SPAG9: variants seen among roughly 807,000 people sequenced by gnomAD.
SPAG9 encodes the protein sperm associated antigen 9, also known as C-Jun-amino-terminal kinase-interacting protein 4.
In SPAG9, 35 loss-of-function variants were observed where a neutral mutation model predicts 166.5. That is an observed-to-expected ratio of 0.21 (90% CI 0.16 to 0.28). The LOEUF (loss-of-function observed/expected upper bound fraction) is 0.28, where lower values mean the gene tolerates loss of function less well. Among genes scored for constraint, SPAG9 ranks in the 10% least tolerant of loss-of-function variants. SPAG9 has a pLI of 1.00. For missense variants in SPAG9, 1,235 were observed against 1,603.3 expected (o/e 0.77, Z 3.92); for synonymous variants, 534 against 565.5 (o/e 0.94, Z 0.79).
intron 1 of SPAG9, among the ~76,000 whole-genome samples, chr17:51,107,766 A>G (rs2048995619): frequency 6.6e-6 from 1 of 151,238 alleles, no homozygotes; most frequent in Non-Finnish European, 1.5e-5. Context: ...AAAGGCAATA[A>G]TAGATGTTGC....
At chr17:51,045,010 T>C (rs759009956) in intron 4 of SPAG9, among the ~76,000 whole-genome samples, 3 of 152,220 alleles carry the variant, frequency 2.0e-5, no homozygotes, top group Non-Finnish European at 4.4e-5. Context: ...TAATTTACCA[T>C]ATATCTTACA....
At chr17:51,075,322 G>A (rs894014626) in intron 2 of SPAG9, among the ~76,000 whole-genome samples, 11 of 151,060 alleles carry the variant, frequency 7.3e-5, no homozygotes, top group Non-Finnish European at 1.5e-4. Context: ...GCTAATGTAT[G>A]TGAAATAATT....
intron 26 of SPAG9, among the ~76,000 whole-genome samples, chr17:50,979,109 T>C (rs796377622): frequency 3.0e-4 from 45 of 152,006 alleles, no homozygotes; most frequent in African/African-American, 9.9e-4. Context: ...CATTGGCTCA[T>C]GCCTGTAACA....
chr17:51,044,154 A>C (rs1246179360), intron 4 of SPAG9, among the ~76,000 whole-genome samples: 2 of 152,184 alleles, frequency 1.3e-5, no homozygotes, highest in Non-Finnish European at 2.9e-5. Context: ...TTTACTTACA[A>C]ATTACATACA....
At chr17:51,105,714 A>G (rs2144755170) in intron 1 of SPAG9, among the ~76,000 whole-genome samples, 1 of 151,902 alleles carries the variant, frequency 6.6e-6, no homozygotes, top group African/African-American at 2.4e-5. Context: ...CTAAAAATAC[A>G]AAAAAATTAG....
At chr17:51,076,965 G>C (rs1208812456) in intron 2 of SPAG9, among the ~76,000 whole-genome samples, 2 of 149,076 alleles carry the variant, frequency 1.3e-5, no homozygotes, top group Non-Finnish European at 3.0e-5. Flanking sequence ...ATGAGATCTT[G>C]TCTCTATCTA....
intron 28 of SPAG9, among the ~76,000 whole-genome samples, chr17:50,974,516 C>T (rs1482139664): frequency 1.3e-5 from 2 of 152,142 alleles, no homozygotes; most frequent in African/African-American, 4.8e-5. Flanking sequence ...AATACTACTG[C>T]TTTTCAAAAG....
chr17:51,039,477 A>G (rs2046746485), intron 5 of SPAG9, among the ~76,000 whole-genome samples: 1 of 152,006 alleles, frequency 6.6e-6, no homozygotes, highest in East Asian at 1.9e-4. Context: ...TGTAAGCACC[A>G]CCCCATTCCT....
chr17:51,023,970 T>C (rs2046051000), intron 6 of SPAG9, among the ~76,000 whole-genome samples: 1 of 152,172 alleles, frequency 6.6e-6, no homozygotes, highest in Non-Finnish European at 1.5e-5. Flanking sequence ...CCAGCCGATT[T>C]TTCTAAATAG....
At chr17:51,005,182 A>G (rs1264210118) in intron 12 of SPAG9, 30 bp downstream of exon 12, 1 of 1,602,742 alleles carries the variant, frequency 6.2e-7, no homozygotes, top group Admixed American at 1.7e-5. Flanking sequence ...ATGGTAAGGT[A>G]AGAAAAAAAG....
chr17:51,090,758 T>C (rs2048443398), intron 1 of SPAG9, among the ~76,000 whole-genome samples: 1 of 152,230 alleles, frequency 6.6e-6, no homozygotes, highest in South Asian at 2.1e-4. Context: ...TGGCTGATAT[T>C]TCTGTTACTG....
At chr17:51,051,237 T>C (rs954350660) in intron 3 of SPAG9, among the ~76,000 whole-genome samples, 1 of 152,118 alleles carries the variant, frequency 6.6e-6, no homozygotes, top group African/African-American at 2.4e-5. Flanking sequence ...GCCTCCCAGG[T>C]AGCTGGGATT....
chr17:51,109,567 A>G (rs894503951), intron 1 of SPAG9, among the ~76,000 whole-genome samples: 2 of 152,064 alleles, frequency 1.3e-5, no homozygotes, highest in Non-Finnish European at 1.5e-5. Flanking sequence ...AAAGTAACTA[A>G]AATGCAAACA....
intron 24 of SPAG9, among the ~76,000 whole-genome samples, chr17:50,984,245 A>C (rs1015211206): frequency 6.6e-6 from 1 of 152,220 alleles, no homozygotes; most frequent in Non-Finnish European, 1.5e-5. Context: ...AAATGATTAA[A>C]TCTTACCCAA....
chr17:51,007,873 G>A (rs1315454260), intron 9 of SPAG9: 2 of 445,176 alleles, frequency 4.5e-6, no homozygotes, highest in South Asian at 1.6e-5. Flanking sequence ...TGCATTCCAT[G>A]TAAAGCAAAA....
At chr17:51,103,682 T>C (rs377579577) in intron 1 of SPAG9, among the ~76,000 whole-genome samples, 1 of 152,124 alleles carries the variant, frequency 6.6e-6, no homozygotes, top group Non-Finnish European at 1.5e-5. Context: ...TCTCAGCATT[T>C]TGAGAAGCTG....
At chr17:51,038,052 A>T (rs1269239182) in intron 5 of SPAG9, among the ~76,000 whole-genome samples, 1 of 152,144 alleles carries the variant, frequency 6.6e-6, no homozygotes, top group Non-Finnish European at 1.5e-5. Context: ...ACAGGGTGTT[A>T]GTCTCTAGGG....
chr17:50,974,493 A>T (rs1219078527), intron 28 of SPAG9, among the ~76,000 whole-genome samples: 1 of 152,210 alleles, frequency 6.6e-6, no homozygotes. Flanking sequence ...TTGGCAATCC[A>T]CGATGATAAA....
chr17:51,037,522 A>G (rs929472867), intron 5 of SPAG9, among the ~76,000 whole-genome samples: 1 of 151,016 alleles, frequency 6.6e-6, no homozygotes, highest in African/African-American at 2.4e-5. Flanking sequence ...CTGAGGCAGG[A>G]GAATCACTTG....
Sources: allele counts gnomAD v4.1 joint callset (sites outside exome capture counted in the v4.1 genomes callset), GRCh38; gene constraint gnomAD v4.1.1; transcripts MANE v1.5; gene names NCBI Gene and HGNC (gene_info 2026-07-23, HGNC 2026-07-21).